Variants in UTRN observed in about 807,000 individuals in gnomAD.
UTRN encodes the protein dystrophin-related protein 1.
Under a neutral mutation model 463.9 loss-of-function variants are expected in UTRN, and 283 were observed. The observed-to-expected ratio is 0.61, with a 90% CI of 0.55 to 0.67. The LOEUF (loss-of-function observed/expected upper bound fraction) is 0.67, where lower values mean the gene tolerates loss of function less well. UTRN is among the 30% of genes least tolerant of loss of function. The probability of loss-of-function intolerance (pLI) is 0.00; values close to 1 mark genes in which losing one functional copy is unlikely to be tolerated. For synonymous variants in UTRN, 1,442 were observed against 1,431.5 expected, an observed-to-expected ratio of 1.01 and a Z score of -0.17; for missense variants, 3,922 against 4,084.3, an observed-to-expected ratio of 0.96 and a Z score of 1.08.
Position 144,635,517 on chromosome 6 carries a change from TTTTTTTTTTTTTCTTTTC to T in UTRN, c.7480-42876_7480-42859del, listed in dbSNP as rs1212309950. ...TTAGCAGCTAGCCTTTTTTTTTCTT[TTTTTTTTTTTTTCTTTTC>T]TTTTTTTTTTTTTTTTTTTTTTGAG... On this transcript the variant is annotated intron_variant, in intron 51 of 74. Coordinates refer to ENST00000367545, the MANE Select transcript of UTRN (RefSeq NM_007124.3). Among the ~76,000 whole-genome samples the T allele has an allele frequency of 4.0e-3, 322 of 80,714 alleles. 10 individuals are homozygous for T. Among genetic ancestry groups the T allele is most frequent in the East Asian group, 0.037 (89 of 2,410 alleles). 53.0% of individuals were successfully genotyped at this position (80,714 alleles called of 152,430 possible). A position where few individuals can be genotyped will look rare whatever the true frequency, so the allele number is the denominator to read the frequency against.
In UTRN at chr6:144,367,334, TAA is replaced by T. The variant is rs10565161; in HGVS notation, c.80-35775_80-35774del. On this transcript the variant is annotated intron_variant, in intron 2 of 74. Coordinates refer to ENST00000367545, the MANE Select transcript of UTRN (RefSeq NM_007124.3). ...GATTATACATGAGTCAAGGATTTGT[TAA>T]AAAAAAAAAAAAATCCTTCCAAGAT... Among the ~76,000 whole-genome samples the T allele has an allele frequency of 8.0e-3, 1,176 of 146,954 alleles. 3 individuals are homozygous for T. The highest frequency in any genetic ancestry group is 0.017 in the African/African-American group (670 of 40,140).
At chr6:144,345,915 C>T (rs995867044) in intron 2 of UTRN, among the ~76,000 whole-genome samples, 5 of 152,102 alleles carry the variant, frequency 3.3e-5, no homozygotes, top group African/African-American at 7.2e-5. Flanking sequence ...CGGTGGCTCA[C>T]GCCTGTAATC....
chr6:144,779,446 A>C (rs1390407753), intron 60 of UTRN, among the ~76,000 whole-genome samples: 1 of 152,222 alleles, frequency 6.6e-6, no homozygotes, highest in Non-Finnish European at 1.5e-5. Flanking sequence ...CTCTTATTCT[A>C]CAACAAAGTA....
At chr6:144,408,234 C>T (rs1783588178) in intron 3 of UTRN, among the ~76,000 whole-genome samples, 1 of 152,186 alleles carries the variant, frequency 6.6e-6, no homozygotes, top group African/African-American at 2.4e-5. Flanking sequence ...CTCATTAAGC[C>T]CGCGTTCTTC....
At chr6:144,790,671 G>A (rs1776684086) in intron 62 of UTRN, among the ~76,000 whole-genome samples, 1 of 152,144 alleles carries the variant, frequency 6.6e-6, no homozygotes, top group Non-Finnish European at 1.5e-5. Flanking sequence ...CAGAATTGAA[G>A]TAGTTTTTGG....
chr6:144,610,807 A>G (rs1263450536), intron 51 of UTRN, among the ~76,000 whole-genome samples: 4 of 152,108 alleles, frequency 2.6e-5, no homozygotes, highest in Non-Finnish European at 4.4e-5. Flanking sequence ...CCTTGGAGGC[A>G]TAGGTTGCAG....
chr6:144,804,597 G>C (rs147585365), intron 65 of UTRN, among the ~76,000 whole-genome samples: 1 of 152,306 alleles, frequency 6.6e-6, no homozygotes, highest in African/African-American at 2.4e-5. Flanking sequence ...GCAGAGGCAA[G>C]GAAGTGAAAA....
chr6:144,557,044 C>T, intron 49 of UTRN, 113 bp from the exon 50 acceptor site: 1 of 1,321,294 alleles, frequency 7.6e-7, no homozygotes. Flanking sequence ...CTGTTTTCAT[C>T]CTGTGATATC....
chr6:144,555,985 G>A (rs1016235), intron 49 of UTRN, among the ~76,000 whole-genome samples: 39,437 of 152,030 alleles, frequency 0.26, 6,052 homozygotes, highest in African/African-American at 0.43. Context: ...TATCAATTTC[G>A]TAATAGCAGA....
chr6:144,700,467 G>A (rs762166622), intron 53 of UTRN, among the ~76,000 whole-genome samples: 1 of 151,800 alleles, frequency 6.6e-6, no homozygotes, highest in Non-Finnish European at 1.5e-5. Context: ...ACCAGTATCT[G>A]AAGTATAATA....
intron 2 of UTRN, among the ~76,000 whole-genome samples, chr6:144,306,951 G>C (rs1174813074): frequency 6.6e-6 from 1 of 151,538 alleles, no homozygotes; most frequent in Non-Finnish European, 1.5e-5. Context: ...TGTAGTCCCA[G>C]CTACTCAGGA....
chr6:144,424,112 T>A (rs1340260315), intron 6 of UTRN, 34 bp downstream of exon 6: 4 of 1,596,538 alleles, frequency 2.5e-6, no homozygotes, highest in Non-Finnish European at 2.6e-6. Context: ...TTAATAGAGA[T>A]GGAAAATGTG....
intron 6 of UTRN, 66 bp from the exon 7 acceptor site, chr6:144,426,221 A>G: frequency 6.5e-7 from 1 of 1,532,000 alleles, no homozygotes; most frequent in Non-Finnish European, 8.8e-7. Context: ...CAAGGACTTC[A>G]TTGAAGTAAG....
chr6:144,347,850 G>GTTTTTTTTTTTTTTTTTTTTTTTTT (rs1340536493), intron 2 of UTRN, among the ~76,000 whole-genome samples: 1 of 128,600 alleles, frequency 7.8e-6, no homozygotes. Context: ...TTTTTTTTTT[G>GTTTTTTTTTTTTTTTTTTTTTTTTT]TTTTTTTTTT....
rs775724675 is a variant in UTRN, at chr6:144,511,069, C to G, written c.4890C>G (p.Asn1630Lys). ...TAGAAGAGAGGCTCTGCGTCCTTAA[C>G]GCTGGGTGGAGCCGAGTTCGTACCT... The part of the protein sequence containing the change: ...PILEERLCVL[N>K]AGWSRVRTWT... Residue 1630 changes from asparagine to lysine, a missense_variant, in exon 35 of 75, where the codon AAC (asparagine) becomes AAG (lysine). Around this residue, in one of 3 missense-constraint regions of UTRN, gnomAD observed 2,349 missense variants for 2,303.8 expected, o/e 1.02. Transcript: ENST00000367545. The G allele has an allele frequency of 2.5e-6, 4 of 1,610,810 alleles. No homozygotes were observed. Among genetic ancestry groups the G allele is most frequent in the Non-Finnish European group, 3.4e-6 (4 of 1,178,022 alleles).
chr6:144,422,654 A>AT (rs1047113914), intron 4 of UTRN, among the ~76,000 whole-genome samples: 2 of 152,188 alleles, frequency 1.3e-5, no homozygotes, highest in East Asian at 1.9e-4. Context: ...TATGACATCT[A>AT]TTTTTTATTC....
intron 62 of UTRN, among the ~76,000 whole-genome samples, chr6:144,790,760 A>G (rs762562493): frequency 5.3e-5 from 8 of 152,208 alleles, no homozygotes; most frequent in Admixed American, 1.3e-4. Context: ...GAAAATGTTA[A>G]TGAAAACACC....
intron 2 of UTRN, among the ~76,000 whole-genome samples, chr6:144,305,652 C>A (rs1305764337): frequency 1.3e-5 from 2 of 152,202 alleles, no homozygotes; most frequent in African/African-American, 4.8e-5. Context: ...GCAGGGCCAC[C>A]ATTGGATCCA....
chr6:144,451,090 T>C (rs772110529), intron 17 of UTRN, among the ~76,000 whole-genome samples: 43 of 152,080 alleles, frequency 2.8e-4, no homozygotes, highest in African/African-American at 9.2e-4. Flanking sequence ...CAAGCCTGGG[T>C]GACAGGGCGA....
Sources: allele counts gnomAD v4.1 joint callset (sites outside exome capture counted in the v4.1 genomes callset), GRCh38; gene constraint gnomAD v4.1.1; regional missense constraint gnomAD v4.1.1; transcripts MANE v1.5; gene names NCBI Gene and HGNC (gene_info 2026-07-23, HGNC 2026-07-21).